Variants in INTS4 observed in about 807,000 individuals in gnomAD.
INTS4 encodes MSTP093.
A neutral mutation model predicts 119.5 loss-of-function variants in INTS4; 70 were observed. That is an observed-to-expected ratio of 0.59 (90% CI 0.48 to 0.71). The LOEUF is 0.71. INTS4 is among the 30% of genes least tolerant of loss of function. The pLI, the probability that INTS4 is intolerant of heterozygous loss-of-function variation, is 0.00. For missense variants in INTS4, 867 were observed against 1,173.2 expected (o/e 0.74, Z 3.81); for synonymous variants, 316 against 419.6 (o/e 0.75, Z 3.02).
rs141675898 is a variant in INTS4, at chr11:77,879,591, C to A, written c.2714-464G>T. Among the ~76,000 whole-genome samples, 115 of 152,204 alleles carry A rather than the reference C, an allele frequency of 7.6e-4. No homozygotes were observed. The Middle Eastern group carries it at 0.01, about 14-fold the overall frequency. ...GGAAGCCTTTGAATAGGAAGTGGTT[C>A]GCCAAAAAGTTTCTGGCCAATGAAC... On this transcript the variant is annotated intron_variant, in intron 22 of 22. Transcript: ENST00000534064.
At chr11:77,983,874 T>C (rs1321399887) in intron 2 of INTS4, among the ~76,000 whole-genome samples, 6 of 152,202 alleles carry the variant, frequency 3.9e-5, no homozygotes, top group Non-Finnish European at 5.9e-5. Flanking sequence ...GCAATTCCAC[T>C]TTTGGGTATA....
intron 18 of INTS4, among the ~76,000 whole-genome samples, chr11:77,896,528 T>G (rs1467278853): frequency 6.6e-6 from 1 of 151,934 alleles, no homozygotes; most frequent in Non-Finnish European, 1.5e-5. Flanking sequence ...GGCGCATGCC[T>G]GTAATCCCAG....
At chr11:77,981,390 T>G (rs1339922699) in intron 3 of INTS4, 69 bp downstream of exon 3, 1 of 671,408 alleles carries the variant, frequency 1.5e-6, no homozygotes, top group East Asian at 2.9e-5. Context: ...CAAAATTTTG[T>G]CCTAAATTCT....
At chr11:77,951,012 T>C (rs1954180223) in intron 8 of INTS4, among the ~76,000 whole-genome samples, 1 of 152,004 alleles carries the variant, frequency 6.6e-6, no homozygotes, top group Non-Finnish European at 1.5e-5. Flanking sequence ...CTGAGAATGA[T>C]GGTTTCCAGC....
intron 1 of INTS4, among the ~76,000 whole-genome samples, chr11:77,994,029 C>T (rs1007254150): frequency 4.6e-5 from 7 of 152,110 alleles, no homozygotes; most frequent in African/African-American, 1.7e-4. Context: ...TGCCCTCCTT[C>T]CTAGGTGAGC....
At chr11:77,910,582 T>TA (rs1201025774) in intron 15 of INTS4, among the ~76,000 whole-genome samples, 1 of 152,058 alleles carries the variant, frequency 6.6e-6, no homozygotes, top group Admixed American at 6.6e-5. Flanking sequence ...CCCTAAAACT[T>TA]AAAGTATAAT....
intron 4 of INTS4, among the ~76,000 whole-genome samples, chr11:77,964,160 A>G (rs1366892675): frequency 2.0e-5 from 3 of 152,328 alleles, no homozygotes; most frequent in Admixed American, 6.5e-5. Context: ...AGGATTAGCT[A>G]TCCAATAAGT....
chr11:77,891,044 C>A (rs1952240248), intron 21 of INTS4, among the ~76,000 whole-genome samples: 1 of 152,142 alleles, frequency 6.6e-6, no homozygotes, highest in Non-Finnish European at 1.5e-5. Context: ...TTAGTGAACC[C>A]TTACTGGGTC....
chr11:77,918,297 T>C (rs764586811), intron 15 of INTS4: 8 of 547,678 alleles, frequency 1.5e-5, no homozygotes, highest in Non-Finnish European at 2.6e-5. Context: ...ATTAGCCAGG[T>C]GTGGTGGCAT....
intron 10 of INTS4, among the ~76,000 whole-genome samples, chr11:77,933,005 G>A (rs921216832): frequency 5.9e-5 from 9 of 151,632 alleles, no homozygotes; most frequent in African/African-American, 1.2e-4. Context: ...AATACCTAAC[G>A]TAGATGATGG....
At position 77,981,481 on chromosome 11, in the gene INTS4, G is replaced by A. The variant is rs773138409; in HGVS notation, c.342C>T (p.Ala114=). 6.5e-6 allele frequency: 10 copies of A among 1,530,708 alleles called. No individual in the cohort carries two copies. The South Asian group carries it at 1.3e-4, about 19-fold the overall frequency. 94.8% of individuals were successfully genotyped at this position (1,530,708 alleles called of 1,614,324 possible). A position where few individuals can be genotyped will look rare whatever the true frequency, so the allele number is the denominator to read the frequency against. The change falls in exon 3 of 23, where the codon GCC becomes GCT. Residue 114 remains alanine, a synonymous_variant. Transcript: ENST00000534064. ...TACTTTCATTCTGCAGGATGTTGAT[G>A]GCATCATCCATAATGCAGTCTGGTG... ...GFSPDCIMDD[A]INILQNEKSH...
chr11:77,975,115 C>T (rs1855893096), intron 4 of INTS4, among the ~76,000 whole-genome samples: 1 of 151,584 alleles, frequency 6.6e-6, no homozygotes, highest in African/African-American at 2.4e-5. Flanking sequence ...TTTAGTATTC[C>T]CTTCCTTCAC....
At chr11:77,897,625 C>G (rs973637314) in intron 18 of INTS4, among the ~76,000 whole-genome samples, 1 of 149,650 alleles carries the variant, frequency 6.7e-6, no homozygotes, top group African/African-American at 2.5e-5. Flanking sequence ...CTCAGCCTCC[C>G]GAGTAGCTGG....
At chr11:77,893,891 T>TTAAATAAATAAATAAA (rs56269909) in intron 19 of INTS4, among the ~76,000 whole-genome samples, 10,571 of 137,746 alleles carry the variant, frequency 0.077, 497 homozygotes, top group Non-Finnish European at 0.089. Flanking sequence ...AGACTCTGTC[T>TTAAATAAATAAATAAA]TAAATAAATA....
intron 12 of INTS4, 88 bp downstream of exon 12, chr11:77,924,662 C>A (rs17825319): frequency 0.07 from 90,052 of 1,291,630 alleles, 3,440 homozygotes; most frequent in Admixed American, 0.078. Flanking sequence ...CCGTACTATC[C>A]TCAATCTATA....
chr11:77,914,063 C>A (rs1953150110), intron 15 of INTS4, among the ~76,000 whole-genome samples: 1 of 152,208 alleles, frequency 6.6e-6, no homozygotes, highest in South Asian at 2.1e-4. Context: ...CTCTTCTTAG[C>A]AAATTACTTC....
Position 77,991,090 on chromosome 11 carries a change from T to A in INTS4, c.246+18A>T, listed in dbSNP as rs1243118243. 1 of 1,605,440 alleles carries A rather than the reference T, an allele frequency of 6.2e-7. No individual in the cohort carries two copies. Among genetic ancestry groups the A allele is most frequent in the Admixed American group, 1.7e-5 (1 of 59,894 alleles). On this transcript the variant is annotated intron_variant, in intron 2 of 22. Transcript: ENST00000534064. ...ACTCCCATGATATACTCCCATCAGA[T>A]CCTCAAGATTTTCTTACCTTGTAAT... is the stretch of plus-strand genomic sequence containing the variant.
chr11:77,966,250 G>T (rs751788646), intron 4 of INTS4, among the ~76,000 whole-genome samples: 5 of 151,962 alleles, frequency 3.3e-5, no homozygotes, highest in Non-Finnish European at 5.9e-5. Flanking sequence ...ACCTCTATGG[G>T]TTGTCTCTTC....
chr11:77,981,706 T>C (rs1277899455), intron 2 of INTS4, 130 bp from the exon 3 acceptor site: 15 of 419,172 alleles, frequency 3.6e-5, no homozygotes, highest in Non-Finnish European at 5.5e-5. Flanking sequence ...TTCTGAAAAA[T>C]TAATTTTATA....
Sources: allele counts gnomAD v4.1 joint callset (sites outside exome capture counted in the v4.1 genomes callset), GRCh38; gene constraint gnomAD v4.1.1; transcripts MANE v1.5; gene names NCBI Gene and HGNC (gene_info 2026-07-23, HGNC 2026-07-21).